BCAS3: variants seen among roughly 807,000 people sequenced by gnomAD.
The protein encoded by BCAS3 is BCAS3 microtubule associated cell migration factor, also known as BCAS4/BCAS3 fusion.
A neutral mutation model predicts 116.1 loss-of-function variants in BCAS3; 53 were observed. The observed-to-expected ratio is 0.46, with a 90% CI of 0.37 to 0.57. The LOEUF is 0.57. BCAS3 is among the 20% of genes least tolerant of loss of function. The pLI is 0.00. For missense variants in BCAS3, 917 were observed against 1,165.4 expected, an observed-to-expected ratio of 0.79 and a Z score of 3.10; for synonymous variants, 391 against 408.2, an observed-to-expected ratio of 0.96 and a Z score of 0.51.
chr17:60,950,638 C>G (rs981869775), intron 14 of BCAS3, among the ~76,000 whole-genome samples: 1 of 152,118 alleles, frequency 6.6e-6, no homozygotes, highest in Non-Finnish European at 1.5e-5. Flanking sequence ...ATTTATTAGG[C>G]ATATATTCTG....
chr17:61,022,840 G>A (rs1384947829), intron 16 of BCAS3, among the ~76,000 whole-genome samples: 1 of 151,696 alleles, frequency 6.6e-6, no homozygotes, highest in Non-Finnish European at 1.5e-5. Flanking sequence ...AGGTCTTGCT[G>A]TATTGCCCAG....
chr17:61,329,514 G>C (rs1234906233), intron 22 of BCAS3, among the ~76,000 whole-genome samples: 1 of 151,302 alleles, frequency 6.6e-6, no homozygotes, highest in Non-Finnish European at 1.5e-5. Context: ...CTAATTTTTT[G>C]TATTTTTTAG....
chr17:60,800,185 T>C (rs1424441628), intron 6 of BCAS3, among the ~76,000 whole-genome samples: 2 of 152,220 alleles, frequency 1.3e-5, no homozygotes, highest in Non-Finnish European at 1.5e-5. Flanking sequence ...GGAGTGATGA[T>C]TGCGGCATTT....
chr17:61,044,276 T>C (rs1309947127), intron 19 of BCAS3, among the ~76,000 whole-genome samples: 6 of 151,318 alleles, frequency 4.0e-5, no homozygotes, highest in African/African-American at 1.5e-4. Context: ...TGAAACACTG[T>C]CTCTACTAAA....
chr17:60,700,771 T>G (rs1281154598), intron 4 of BCAS3, among the ~76,000 whole-genome samples: 1 of 152,172 alleles, frequency 6.6e-6, no homozygotes, highest in Non-Finnish European at 1.5e-5. Context: ...CTGCGCAGTC[T>G]AAAAAGATGT....
At chr17:61,066,664 G>T (rs2070656377) in intron 19 of BCAS3, among the ~76,000 whole-genome samples, 1 of 152,030 alleles carries the variant, frequency 6.6e-6, no homozygotes, top group Non-Finnish European at 1.5e-5. Flanking sequence ...CTAAGTAGAA[G>T]ACTAGATTAG....
In BCAS3 at chr17:61,145,261, G is replaced by C. The variant is rs1364091142; in HGVS notation, c.2425+60697G>C. Among the ~76,000 whole-genome samples, 1 of 152,224 alleles carries C rather than the reference G, an allele frequency of 6.6e-6. No homozygotes were observed. Among genetic ancestry groups the C allele is most frequent in the Non-Finnish European group, 1.5e-5 (1 of 68,046 alleles). ...TGTTTCTGCCGTCTTCACCTTTGCTGATGGTTCTGCAACTCATCACCAGCT... is the reference window on the plus strand; with the variant it reads ...TGTTTCTGCCGTCTTCACCTTTGCTCATGGTTCTGCAACTCATCACCAGCT... On this transcript the variant is annotated intron_variant, in intron 22 of 23. Coordinates refer to ENST00000407086, the MANE Select transcript of BCAS3 (RefSeq NM_017679.5). The surrounding 1 kb of genome is among the most constrained non-coding windows in gnomAD (Gnocchi z 5.0).
intron 22 of BCAS3, among the ~76,000 whole-genome samples, chr17:61,271,437 T>TTTTTTTTTTTTTTTTTTTTTTTTG (rs2050251666): frequency 1.5e-5 from 2 of 136,210 alleles, no homozygotes; most frequent in African/African-American, 5.5e-5. Flanking sequence ...TTTTTTTTTT[T>TTTTTTTTTTTTTTTTTTTTTTTTG]GTCTTAGGTG....
chr17:61,078,437 C>T lies in BCAS3; in HGVS notation c.2235C>T (p.Ser745=). The change falls in exon 21 of 24, where the codon TCC becomes TCT. Residue 745 remains serine, a synonymous_variant. Coordinates refer to ENST00000407086, the MANE Select transcript of BCAS3 (RefSeq NM_017679.5). ...CAGGCCAAACCACAGTTATCTCATC[C>T]AGTTCATCTGTGTTGCAGTCTCATG... The part of the protein sequence containing the change: ...HPSGQTTVIS[S]SSSVLQSHGP... 6.2e-7 allele frequency: 1 copy of T among 1,614,148 alleles called. No individual in the cohort carries two copies. Among genetic ancestry groups the T allele is most frequent in the Non-Finnish European group, 8.5e-7 (1 of 1,179,980 alleles).
intron 5 of BCAS3, among the ~76,000 whole-genome samples, chr17:60,716,852 T>C (rs992869160): frequency 2.6e-5 from 4 of 152,222 alleles, no homozygotes; most frequent in African/African-American, 9.6e-5. Flanking sequence ...TTACCCCATA[T>C]ATTTATTAAT....
In BCAS3 at chr17:61,327,317, A is replaced by G. The variant is rs1307240199; in HGVS notation, c.2426-41010A>G. On this transcript the variant is annotated intron_variant, in intron 22 of 23. Coordinates refer to ENST00000407086, the MANE Select transcript of BCAS3 (RefSeq NM_017679.5). The surrounding 1 kb of genome is among the most constrained non-coding windows in gnomAD (Gnocchi z 5.9). ...CTCCGTCTCAAAAATAAAATAAAATAAAAATAAAAATAAACAAACGTTTAA... is the reference window on the plus strand; with the variant it reads ...CTCCGTCTCAAAAATAAAATAAAATGAAAATAAAAATAAACAAACGTTTAA... 6.6e-6 allele frequency among the ~76,000 whole-genome samples: 1 copy of G among 151,696 alleles called. No homozygotes were observed. Among genetic ancestry groups the G allele is most frequent in the Non-Finnish European group, 1.5e-5 (1 of 67,668 alleles).
intron 22 of BCAS3, among the ~76,000 whole-genome samples, chr17:61,153,474 T>C (rs1300225494): frequency 1.3e-5 from 2 of 152,138 alleles, no homozygotes; most frequent in African/African-American, 4.8e-5. Context: ...AAGAGATGAC[T>C]TTGCCCTTAA....
In BCAS3 at chr17:61,259,245, G is replaced by T. The variant is rs190730981; in HGVS notation, c.2426-109082G>T. On this transcript the variant is annotated intron_variant, in intron 22 of 23. Coordinates refer to ENST00000407086, the MANE Select transcript of BCAS3 (RefSeq NM_017679.5). This position sits in a 1 kb window ranked among gnomAD's most constrained non-coding sequence, Gnocchi z 4.7. ...CATTTTTATTTTGAAAGAGCATGGG[G>T]AGTGTAAGCAGAGCTCACAGAACTA... is the stretch of plus-strand genomic sequence containing the variant. Among the ~76,000 whole-genome samples the T allele has an allele frequency of 1.3e-5, 2 of 152,316 alleles. 1 individual carries two copies. The highest frequency in any genetic ancestry group is 1.3e-4 in the Admixed American group (2 of 15,290).
rs983596502 is a variant in BCAS3 at position 61,082,824 on chromosome 17, A to G, written c.2328-1643A>G. On this transcript the variant is annotated intron_variant, in intron 21 of 23. Coordinates refer to ENST00000407086, the MANE Select transcript of BCAS3 (RefSeq NM_017679.5). The surrounding 1 kb of genome is among the most constrained non-coding windows in gnomAD (Gnocchi z 5.1). ...TGGAATGAATATTGGGTAGTCCTAC[A>G]TAGCAGTGATCAATATTTGTTAATC... 1.3e-5 allele frequency among the ~76,000 whole-genome samples: 2 copies of G among 152,316 alleles called. No homozygotes were observed. Among genetic ancestry groups the G allele is most frequent in the East Asian group, 3.9e-4 (2 of 5,184 alleles).
chr17:60,920,463 G>A (rs548470465), intron 12 of BCAS3, among the ~76,000 whole-genome samples: 10 of 152,204 alleles, frequency 6.6e-5, no homozygotes, highest in African/African-American at 2.2e-4. Context: ...GAAGACATAC[G>A]TATGGGCCAA....
Position 61,385,696 on chromosome 17 carries a change from G to T in BCAS3, c.2594-6281G>T, listed in dbSNP as rs79511358. On this transcript the variant is annotated intron_variant, in intron 23 of 23. Coordinates refer to ENST00000407086, the MANE Select transcript of BCAS3 (RefSeq NM_017679.5). Reference sequence around the variant, plus strand: ...GCCATCCGCTCCCCTGGGCCACCCCGGAACCCAGCCCCAGCAAGGGTCTTA... The same window carrying T: ...GCCATCCGCTCCCCTGGGCCACCCCTGAACCCAGCCCCAGCAAGGGTCTTA... Among the ~76,000 whole-genome samples, 425 of 152,324 alleles carry T rather than the reference G, an allele frequency of 2.8e-3. 8 individuals are homozygous for T. The East Asian group carries it at 0.04, about 14-fold the overall frequency.
At chr17:60,772,584 A>G (rs2044830321) in intron 6 of BCAS3, among the ~76,000 whole-genome samples, 1 of 152,190 alleles carries the variant, frequency 6.6e-6, no homozygotes. Flanking sequence ...ATATCTTTAA[A>G]AAGGCTTAAC....
chr17:60,939,533 A>G (rs1946666909), intron 13 of BCAS3, among the ~76,000 whole-genome samples: 2 of 152,360 alleles, frequency 1.3e-5, no homozygotes, highest in South Asian at 2.1e-4. Flanking sequence ...TAAATCAATG[A>G]ATGACATACT....
At chr17:61,329,781 T>TTCA (rs1365839004) in intron 22 of BCAS3, among the ~76,000 whole-genome samples, 1 of 101,522 alleles carries the variant, frequency 9.9e-6, no homozygotes, top group Non-Finnish European at 2.4e-5. Context: ...CCTACGTTCG[T>TTCA]CCTCGGCGCT....
Sources: allele counts gnomAD v4.1 joint callset (sites outside exome capture counted in the v4.1 genomes callset), GRCh38; gene constraint gnomAD v4.1.1; non-coding constraint Gnocchi (gnomAD v3.1); transcripts MANE v1.5; gene names NCBI Gene and HGNC (gene_info 2026-07-23, HGNC 2026-07-21).